GCN1: variants seen among roughly 807,000 people sequenced by gnomAD.
GCN1 encodes stalled ribosome sensor GCN1.
Under a neutral mutation model 288.4 loss-of-function variants are expected in GCN1, and 90 were observed. The observed-to-expected ratio is 0.31, with a 90% CI of 0.26 to 0.37. The LOEUF (loss-of-function observed/expected upper bound fraction) is 0.37, where lower values mean the gene tolerates loss of function less well. GCN1 is among the 10% of genes least tolerant of loss of function. GCN1 has a pLI of 1.00. For synonymous variants in GCN1, 1,386 were observed against 1,420.2 expected, an observed-to-expected ratio of 0.98 and a Z score of 0.54; for missense variants, 2,586 against 3,419.9, an observed-to-expected ratio of 0.76 and a Z score of 6.08.
chr12:120,142,471 G>C lies in GCN1; in HGVS notation c.5829+36C>G. The C allele has an allele frequency of 2.0e-6, 3 of 1,518,864 alleles. No individual in the cohort carries two copies. The highest frequency in any genetic ancestry group is 2.2e-5 in the South Asian group (2 of 89,058). The allele number at this position is 1,518,864 out of a possible 1,614,324, so 94.1% of individuals were successfully genotyped here. On this transcript the variant is annotated intron_variant, in intron 44 of 57. Transcript: ENST00000300648. This position sits in a 1 kb window ranked among gnomAD's most constrained non-coding sequence, Gnocchi z 4.9. ...TTCTAGGCTCTGAAAGGAGGCACTGGGGCTGCTGGTCCAAAACAAGGCCCA... is the reference window on the plus strand; with the variant it reads ...TTCTAGGCTCTGAAAGGAGGCACTGCGGCTGCTGGTCCAAAACAAGGCCCA...
chr12:120,144,163 A>G lies in GCN1; in HGVS notation c.5495+143T>C. The G allele has an allele frequency of 2.4e-6, 2 of 832,038 alleles. No individual in the cohort carries two copies. Among genetic ancestry groups the G allele is most frequent in the Non-Finnish European group, 3.9e-6 (2 of 515,526 alleles). The allele number at this position is 832,038 out of a possible 1,614,324, so 51.5% of individuals were successfully genotyped here. On this transcript the variant is annotated intron_variant, in intron 42 of 57. Coordinates refer to ENST00000300648, the MANE Select transcript of GCN1 (RefSeq NM_006836.2). The surrounding 1 kb of genome is among the most constrained non-coding windows in gnomAD (Gnocchi z 4.7). Reference sequence around the variant, plus strand: ...AGCTAATTTTTTATTTTTTATAGAGACAGGGTCTCACTATGTTGCCAGGGC... The same window carrying G: ...AGCTAATTTTTTATTTTTTATAGAGGCAGGGTCTCACTATGTTGCCAGGGC...
intron 55 of GCN1, 102 bp from the exon 56 acceptor site, chr12:120,130,855 C>T (rs2139079354): frequency 1.4e-6 from 1 of 691,812 alleles, no homozygotes. Context: ...CACTACATCA[C>T]CACCACATCA....
In GCN1 at chr12:120,156,494, G is replaced by T. The variant is rs750648132; in HGVS notation, c.3279C>A (p.Ser1093=). 2 of 1,613,890 alleles carry T rather than the reference G, an allele frequency of 1.2e-6. No homozygotes were observed. Among genetic ancestry groups the T allele is most frequent in the Non-Finnish European group, 8.5e-7 (1 of 1,179,994 alleles). ...CGGTTTCCCGCACGCTGGCACACGGGGACTGCAAGGCACAGAGCAGCACGT... is the reference window on the plus strand; with the variant it reads ...CGGTTTCCCGCACGCTGGCACACGGTGACTGCAAGGCACAGAGCAGCACGT... ...EVDVLLCALQ[S]PCASVRETVL... The change falls in exon 28 of 58, where the codon TCC becomes TCA. Residue 1093 remains serine (S), a synonymous_variant. Transcript: ENST00000300648. This position sits in a 1 kb window ranked among gnomAD's most constrained non-coding sequence, Gnocchi z 5.8.
Position 120,190,353 on chromosome 12 carries a change from A to C in GCN1, c.66T>G (p.Ser22Arg), listed in dbSNP as rs1430087730. The C allele has an allele frequency of 6.2e-7, 1 of 1,611,578 alleles. No individual in the cohort carries two copies. Among genetic ancestry groups the C allele is most frequent in the Admixed American group, 1.7e-5 (1 of 60,016 alleles). ...TGAGGATTTCTCTCCGTTCCTTTAC[A>C]CTGGCTGTTGTCACCTTCCCTGCAA... ...KRFAGKVTTASVKERREILSE... is the reference protein window; with the variant it reads ...KRFAGKVTTARVKERREILSE... The change falls in exon 2 of 58, where the codon AGT becomes AGG. Residue 22 changes from serine to arginine, a missense_variant. Transcript: ENST00000300648.
In GCN1 at chr12:120,162,139, C is replaced by T. The variant is rs1160126051; in HGVS notation, c.2164-81G>A. 4 of 1,139,524 alleles carry T rather than the reference C, an allele frequency of 3.5e-6. No homozygotes were observed. In the African/African-American group the frequency reaches 6.1e-5, roughly 17 times the overall value. The allele number at this position is 1,139,524 out of a possible 1,614,324, so 70.6% of individuals were successfully genotyped here. On this transcript the variant is annotated intron_variant, in intron 20 of 57. Transcript: ENST00000300648. ...GTCCACCACACCTGAATGCCCCTAG[C>T]ACTGGCTCCCCTTCTTTATGCCACT...
intron 45 of GCN1, among the ~76,000 whole-genome samples, chr12:120,140,524 G>A (rs991393144): frequency 6.6e-6 from 1 of 152,120 alleles, no homozygotes; most frequent in African/African-American, 2.4e-5. Context: ...AGAAGGAGGT[G>A]CACACATTTT....
Position 120,144,028 on chromosome 12 carries a change from G to A in GCN1, c.5495+278C>T, listed in dbSNP as rs1877281533. Among the ~76,000 whole-genome samples, 1 of 152,180 alleles carries A rather than the reference G, an allele frequency of 6.6e-6. No individual in the cohort carries two copies. The highest frequency in any genetic ancestry group is 1.5e-5 in the Non-Finnish European group (1 of 68,036). ...GTCTTGCTCTGTTGCCCAGGTTGGA[G>A]TGCAGTGGCACAATCTCGGCTCACT... On this transcript the variant is annotated intron_variant, in intron 42 of 57. Transcript: ENST00000300648. This position sits in a 1 kb window ranked among gnomAD's most constrained non-coding sequence, Gnocchi z 4.7.
Position 120,130,732 on chromosome 12 carries a change from C to T in GCN1, c.7585G>A (p.Val2529Ile). 6.2e-7 allele frequency: 1 copy of T among 1,613,422 alleles called. No individual in the cohort carries two copies. The highest frequency in any genetic ancestry group is 8.5e-7 in the Non-Finnish European group (1 of 1,179,462). Residue 2529 changes from valine to isoleucine, a missense_variant, in exon 56 of 58, where the codon GTC (valine) becomes ATC (isoleucine). Val to Ile is a conservative substitution (Grantham distance 29). Coordinates refer to ENST00000300648, the MANE Select transcript of GCN1 (RefSeq NM_006836.2). ...CTCATGAGAAAGCCCATGCCCCGGA[C>T]CCCGCTCACCGCAATGGGGATCTGT... ...ADRIPIAVSG[V>I]RGMGFLMRHH...
intron 26 of GCN1, among the ~76,000 whole-genome samples, chr12:120,157,372 G>A (rs115443884): frequency 6.6e-6 from 1 of 152,084 alleles, no homozygotes; most frequent in Admixed American, 6.5e-5. Context: ...GAAAACTCTT[G>A]GTGAGAGTAT....
In GCN1 at chr12:120,142,283, G is replaced by C. The variant is rs1265378680; in HGVS notation, c.5829+224C>G. ...GGAGCTTGCAGTGAGCTGAGATCAC[G>C]CCACTGCACTTCAGCCTGGGCGACA... On this transcript the variant is annotated intron_variant, in intron 44 of 57. Transcript: ENST00000300648. This position sits in a 1 kb window ranked among gnomAD's most constrained non-coding sequence, Gnocchi z 4.9. 2.6e-5 allele frequency among the ~76,000 whole-genome samples: 4 copies of C among 152,134 alleles called. No individual in the cohort carries two copies. The highest frequency in any genetic ancestry group is 9.7e-5 in the African/African-American group (4 of 41,438).
intron 45 of GCN1, 108 bp downstream of exon 45, chr12:120,140,751 G>T: frequency 9.6e-7 from 1 of 1,045,592 alleles, no homozygotes; most frequent in Admixed American, 2.2e-5. Flanking sequence ...TCATCCCTGA[G>T]GGCAGCACAA....
chr12:120,152,592 T>C (rs1338640571), intron 33 of GCN1, among the ~76,000 whole-genome samples: 4 of 129,220 alleles, frequency 3.1e-5, no homozygotes, highest in African/African-American at 1.2e-4. Flanking sequence ...GTTCACTTTA[T>C]GAAGACACTC....
intron 18 of GCN1, 81 bp from the exon 19 acceptor site, chr12:120,163,340 A>G: frequency 8.8e-7 from 1 of 1,141,602 alleles, no homozygotes; most frequent in Admixed American, 1.9e-5. Flanking sequence ...CTACGGACAC[A>G]GCGGCCCCTC....
intron 33 of GCN1, among the ~76,000 whole-genome samples, chr12:120,152,755 G>A (rs1594270209): frequency 6.6e-6 from 1 of 151,366 alleles, no homozygotes; most frequent in East Asian, 1.9e-4. Context: ...GTAGCTTAGA[G>A]GCTACATTAA....
intron 1 of GCN1, among the ~76,000 whole-genome samples, chr12:120,191,071 T>C (rs1244374305): frequency 1.3e-5 from 2 of 152,130 alleles, no homozygotes; most frequent in Admixed American, 6.6e-5. Context: ...GGAGCTTAAA[T>C]GAGATTGCGT....
chr12:120,155,787 CCT>C lies in GCN1; in HGVS notation c.3313-70_3313-69del, dbSNP rs1442044921. 3.3e-6 allele frequency: 5 copies of C among 1,535,714 alleles called. No homozygotes were observed. The highest frequency in any genetic ancestry group is 4.5e-6 in the Non-Finnish European group (5 of 1,113,440). On this transcript the variant is annotated intron_variant, in intron 28 of 57. Transcript: ENST00000300648. The surrounding 1 kb of genome is among the most constrained non-coding windows in gnomAD (Gnocchi z 4.9). The stretch of plus-strand genomic sequence containing the variant: ...GAAGAGCCTCTGACCTGCCTCCTCA[CCT>C]CTCTCTAGGTTGTACTGTCCAAGAT...
In GCN1 at chr12:120,153,212, C is replaced by T. The variant is rs1566305628; in HGVS notation, c.4062+1G>A. ...TGGGTCCCAGGCCAGATGGCAGGTA[C>T]CTGCTGGGAGGGGGTGGAGAGGGCA... On this transcript the variant is annotated splice_donor_variant, in intron 33 of 57. Coordinates refer to ENST00000300648, the MANE Select transcript of GCN1 (RefSeq NM_006836.2). LOFTEE classifies it high-confidence loss of function. The surrounding 1 kb of genome is among the most constrained non-coding windows in gnomAD (Gnocchi z 4.4). The T allele has an allele frequency of 6.2e-7, 1 of 1,613,504 alleles. No individual in the cohort carries two copies. The highest frequency in any genetic ancestry group is 1.7e-5 in the Admixed American group (1 of 59,998).
intron 56 of GCN1, 103 bp from the exon 57 acceptor site, chr12:120,129,597 G>A (rs1876747013): frequency 1.2e-6 from 1 of 853,302 alleles, no homozygotes; most frequent in Non-Finnish European, 2.0e-6. Context: ...CATGAACACT[G>A]ACCCCCCCTG....
chr12:120,157,050 C>T (rs1039623685), intron 26 of GCN1, 58 bp from the exon 27 acceptor site: 6 of 1,165,906 alleles, frequency 5.1e-6, no homozygotes, highest in East Asian at 2.4e-5. Flanking sequence ...GTAACCCAGG[C>T]GGCCAACGGC....
Sources: gnomAD v4.1 joint callset for allele counts (sites outside exome capture counted in the v4.1 genomes callset) on GRCh38, gnomAD v4.1.1 for gene constraint, Gnocchi (gnomAD v3.1) non-coding constraint, MANE v1.5 for transcripts, NCBI Gene and HGNC (gene_info 2026-07-23, HGNC 2026-07-21) for gene names.